The following DCC variants were observed in gnomAD, a reference collection of about 807,000 sequenced individuals.
The protein encoded by DCC is DCC netrin 1 receptor.
In DCC, 58 loss-of-function variants were observed where a neutral mutation model predicts 172.5. That is an observed-to-expected ratio of 0.34 (90% CI 0.27 to 0.42). The LOEUF is 0.42. DCC is among the 10% of genes least tolerant of loss of function. The probability of loss-of-function intolerance (pLI) is 1.00; values close to 1 mark genes in which losing one functional copy is unlikely to be tolerated. For synonymous variants in DCC, 709 were observed against 644.5 expected, an observed-to-expected ratio of 1.10 and a Z score of -1.52; for missense variants, 1,740 against 1,791.0, an observed-to-expected ratio of 0.97 and a Z score of 0.51.
At chr18:52,656,948 C>T (rs1479508632) in intron 1 of DCC, among the ~76,000 whole-genome samples, 1 of 152,034 alleles carries the variant, frequency 6.6e-6, no homozygotes, top group African/African-American at 2.4e-5. Flanking sequence ...GCATGCTGTC[C>T]TATTGTGACT....
At chr18:52,697,545 A>T (rs1255168053) in intron 1 of DCC, among the ~76,000 whole-genome samples, 3 of 152,260 alleles carry the variant, frequency 2.0e-5, no homozygotes, top group Non-Finnish European at 4.4e-5. Flanking sequence ...ATTAAAAAGT[A>T]TAAAAAGAAC....
At chr18:52,411,938 C>A (rs185637071) in intron 1 of DCC, among the ~76,000 whole-genome samples, 2 of 152,188 alleles carry the variant, frequency 1.3e-5, no homozygotes, top group South Asian at 2.1e-4. Flanking sequence ...TCTCAGCCCA[C>A]GTTCAAAGTG....
chr18:53,258,577 C>T (rs939649493), intron 12 of DCC, among the ~76,000 whole-genome samples: 2 of 151,982 alleles, frequency 1.3e-5, no homozygotes, highest in Non-Finnish European at 2.9e-5. Flanking sequence ...GTCTGAGAGA[C>T]AGTTTGTTAT....
At chr18:52,853,748 C>T (rs765053681) in intron 2 of DCC, among the ~76,000 whole-genome samples, 4 of 152,132 alleles carry the variant, frequency 2.6e-5, no homozygotes, top group Non-Finnish European at 5.9e-5. Flanking sequence ...GGTCAGGGAC[C>T]AAGACCACAG....
At chr18:53,102,753 G>A (rs1313781671) in intron 7 of DCC, among the ~76,000 whole-genome samples, 3 of 152,036 alleles carry the variant, frequency 2.0e-5, no homozygotes, top group Admixed American at 6.6e-5. Flanking sequence ...CCTGTTCCAG[G>A]TTTTCAGACT....
intron 8 of DCC, among the ~76,000 whole-genome samples, 176 bp from the exon 9 acceptor site, chr18:53,178,786 C>G (rs2055149143): frequency 6.6e-6 from 1 of 152,142 alleles, no homozygotes; most frequent in Admixed American, 6.6e-5. Flanking sequence ...TTTGTAGGTC[C>G]TTCCAATTAG....
chr18:52,565,292 A>G (rs757857538), intron 1 of DCC, among the ~76,000 whole-genome samples: 17 of 152,208 alleles, frequency 1.1e-4, no homozygotes, highest in Non-Finnish European at 2.1e-4. Context: ...ATGGTGCTGC[A>G]GTAAACATAC....
At chr18:52,398,458 T>C (rs1986314754) in intron 1 of DCC, among the ~76,000 whole-genome samples, 1 of 152,002 alleles carries the variant, frequency 6.6e-6, no homozygotes, top group African/African-American at 2.4e-5. Context: ...TGACATCCTT[T>C]GTATTGTAAC....
At chr18:52,355,054 A>G (rs531679063) in intron 1 of DCC, among the ~76,000 whole-genome samples, 15 of 152,358 alleles carry the variant, frequency 9.8e-5, no homozygotes, top group Admixed American at 8.5e-4. Flanking sequence ...GGAACAAGAT[A>G]AAGTAGGTGA....
At chr18:52,361,347 T>C (rs900101582) in intron 1 of DCC, among the ~76,000 whole-genome samples, 2 of 152,242 alleles carry the variant, frequency 1.3e-5, no homozygotes, top group African/African-American at 4.8e-5. Flanking sequence ...GGAAAGTTAA[T>C]GTTTATTTTT....
At chr18:52,687,856 A>G (rs991235583) in intron 1 of DCC, among the ~76,000 whole-genome samples, 11 of 152,226 alleles carry the variant, frequency 7.2e-5, no homozygotes, top group South Asian at 2.1e-4. Flanking sequence ...CATACTAACA[A>G]TGGATTATTG....
At chr18:53,208,146 G>A (rs1227312483) in intron 11 of DCC, among the ~76,000 whole-genome samples, 2 of 148,294 alleles carry the variant, frequency 1.3e-5, no homozygotes, top group African/African-American at 2.5e-5. Context: ...ATGGTGGCAT[G>A]CACCTGCGAT....
At chr18:53,470,604 A>C (rs2045683036) in intron 25 of DCC, among the ~76,000 whole-genome samples, 1 of 152,190 alleles carries the variant, frequency 6.6e-6, no homozygotes, top group South Asian at 2.1e-4. Context: ...GGTAATTCAA[A>C]AAACAAAGGA....
intron 27 of DCC, among the ~76,000 whole-genome samples, chr18:53,521,802 A>T (rs1269519297): frequency 6.6e-6 from 1 of 152,134 alleles, no homozygotes; most frequent in Non-Finnish European, 1.5e-5. Flanking sequence ...TTAAAATAAA[A>T]TAAATAGGTT....
chr18:53,246,783 T>C (rs2056370281), intron 12 of DCC, among the ~76,000 whole-genome samples: 1 of 152,038 alleles, frequency 6.6e-6, no homozygotes, highest in Non-Finnish European at 1.5e-5. Flanking sequence ...TTTTTAGTAG[T>C]AGAATAGCCG....
intron 12 of DCC, among the ~76,000 whole-genome samples, chr18:53,255,631 T>G (rs1185102350): frequency 6.6e-6 from 1 of 152,154 alleles, no homozygotes; most frequent in Non-Finnish European, 1.5e-5. Flanking sequence ...ACATTTGGAT[T>G]GGTTCCAAGT....
intron 15 of DCC, among the ~76,000 whole-genome samples, chr18:53,384,116 C>T (rs1907967190): frequency 8.4e-6 from 1 of 119,442 alleles, no homozygotes; most frequent in African/African-American, 2.6e-5. Context: ...CTCTTCTGGT[C>T]ATCGTATATG....
intron 5 of DCC, among the ~76,000 whole-genome samples, chr18:53,034,369 A>G (rs2042064738): frequency 6.6e-6 from 1 of 152,018 alleles, no homozygotes; most frequent in African/African-American, 2.4e-5. Context: ...CCATCTTAGT[A>G]TTACATCAAA....
intron 1 of DCC, among the ~76,000 whole-genome samples, chr18:52,381,486 ACAGGAG>A (rs1418439028): frequency 6.6e-6 from 1 of 152,124 alleles, no homozygotes; most frequent in Non-Finnish European, 1.5e-5. Context: ...CAGTTGCAAA[ACAGGAG>A]CAGGAGCAAC....
Sources: allele counts gnomAD v4.1 joint callset (sites outside exome capture counted in the v4.1 genomes callset), GRCh38; gene constraint gnomAD v4.1.1; transcripts MANE v1.5; gene names NCBI Gene and HGNC (gene_info 2026-07-23, HGNC 2026-07-21).